OGA: variants seen among roughly 807,000 people sequenced by gnomAD.
The protein encoded by OGA is protein O-GlcNAcase.
A neutral mutation model predicts 102.0 loss-of-function variants in OGA; 21 were observed. The ratio of observed to expected loss-of-function variants is 0.21; its 90% CI spans 0.15 to 0.30. The LOEUF (loss-of-function observed/expected upper bound fraction) is 0.30, where lower values mean the gene tolerates loss of function less well. OGA is among the 10% of genes least tolerant of loss of function. The pLI, the probability that OGA is intolerant of heterozygous loss-of-function variation, is 1.00. For synonymous variants in OGA, 408 were observed against 378.2 expected (o/e 1.08, Z -0.91); for missense variants, 765 against 1,107.8 (o/e 0.69, Z 4.39).
rs949127505 is a variant in OGA, at chr10:101,808,880, G to C, written c.481-979C>G. Among the ~76,000 whole-genome samples the C allele has an allele frequency of 2.0e-5, 3 of 152,106 alleles. No homozygotes were observed. In the South Asian group the frequency reaches 6.2e-4, roughly 32 times the overall value. On this transcript the variant is annotated intron_variant, in intron 4 of 15. Coordinates refer to ENST00000361464, the MANE Select transcript of OGA (RefSeq NM_012215.5). ...CGTTACTCAGGAGGCTGAGGCCAGA[G>C]AATTGCTTGAACCCAGGAGGTAGAG...
intron 3 of OGA, 86 bp downstream of exon 3, chr10:101,812,944 G>A (rs2065578233): frequency 9.4e-7 from 1 of 1,063,350 alleles, no homozygotes. Flanking sequence ...AAAATAAAAT[G>A]TCATAAAATT....
At chr10:101,816,287 C>CA (rs1467477935) in intron 1 of OGA, among the ~76,000 whole-genome samples, 14 of 152,134 alleles carry the variant, frequency 9.2e-5, no homozygotes, top group South Asian at 2.1e-4. Flanking sequence ...ACAAAACACA[C>CA]AAAAAATCAG....
At chr10:101,787,757 G>GCT in intron 14 of OGA, 4 of 460,660 alleles carry the variant, frequency 8.7e-6, no homozygotes, top group Non-Finnish European at 1.6e-5. Flanking sequence ...TCGCGTGCAC[G>GCT]CGCTCTCTCT....
In OGA at chr10:101,818,272, G is replaced by A; in HGVS notation, c.-250C>T. On this transcript the variant is annotated 5_prime_UTR_variant, in exon 1 of 16. Coordinates refer to ENST00000361464, the MANE Select transcript of OGA (RefSeq NM_012215.5). ...TTAAGCTGGGGCGCCAGAAGCCTAA[G>A]CGGAGAGCGAGGCTGTGACCTCTCG... The A allele has an allele frequency of 7.7e-7, 1 of 1,291,826 alleles. No homozygotes were observed. The highest frequency in any genetic ancestry group is 9.8e-7 in the Non-Finnish European group (1 of 1,019,424). The allele number at this position is 1,291,826 out of a possible 1,614,324, so 80.0% of individuals were successfully genotyped here. A position where few individuals can be genotyped will look rare whatever the true frequency, so the allele number is the denominator to read the frequency against.
At chr10:101,812,104 C>T (rs2065565925) in intron 3 of OGA, among the ~76,000 whole-genome samples, 2 of 152,184 alleles carry the variant, frequency 1.3e-5, no homozygotes, top group Admixed American at 6.5e-5. Flanking sequence ...ATCTTGTTAG[C>T]TATATGCGTA....
intron 6 of OGA, among the ~76,000 whole-genome samples, chr10:101,804,735 T>C (rs2065444491): frequency 6.6e-6 from 1 of 152,046 alleles, no homozygotes; most frequent in Admixed American, 6.6e-5. Context: ...GGACTACAGG[T>C]GTGCCCCACC....
intron 5 of OGA, among the ~76,000 whole-genome samples, chr10:101,807,525 T>C (rs909267743): frequency 1.3e-5 from 2 of 152,216 alleles, no homozygotes; most frequent in Non-Finnish European, 2.9e-5. Context: ...TAAAAATACA[T>C]AAAAATCTTT....
intron 5 of OGA, 54 bp downstream of exon 5, chr10:101,807,676 T>C (rs2065493834): frequency 4.0e-6 from 5 of 1,247,098 alleles, no homozygotes; most frequent in Admixed American, 2.8e-5. Context: ...TGGTCCTTTA[T>C]AAGTTATATA....
At chr10:101,793,370 G>A (rs1292749695) in intron 11 of OGA, among the ~76,000 whole-genome samples, 1 of 152,186 alleles carries the variant, frequency 6.6e-6, no homozygotes, top group South Asian at 2.1e-4. Flanking sequence ...AAAGCAATGC[G>A]CTTCAGTTTG....
chr10:101,817,644 C>T (rs1186766303), intron 1 of OGA, among the ~76,000 whole-genome samples, 180 bp downstream of exon 1: 2 of 152,152 alleles, frequency 1.3e-5, no homozygotes, highest in African/African-American at 4.8e-5. Flanking sequence ...AATTCGACGC[C>T]GTCTTAAGAC....
chr10:101,802,396 G>A (rs574516400), intron 7 of OGA, among the ~76,000 whole-genome samples: 7 of 152,316 alleles, frequency 4.6e-5, no homozygotes, highest in Non-Finnish European at 7.3e-5. Flanking sequence ...AGGAATGGCT[G>A]GGCGCGATGG....
At chr10:101,797,943 A>G (rs2065337311) in intron 10 of OGA, 37 bp downstream of exon 10, 7 of 1,584,910 alleles carry the variant, frequency 4.4e-6, no homozygotes, top group African/African-American at 1.3e-5. Context: ...AAGGGACAAT[A>G]TATTTGAGGA....
chr10:101,800,512 A>G, intron 7 of OGA, 112 bp from the exon 8 acceptor site: 1 of 793,110 alleles, frequency 1.3e-6, no homozygotes. Flanking sequence ...AGAAACAAAG[A>G]ACAGAATGAG....
chr10:101,807,906 G>C lies in OGA; in HGVS notation c.481-5C>G. The C allele has an allele frequency of 1.4e-6, 2 of 1,429,970 alleles. No homozygotes were observed. Among genetic ancestry groups the C allele is most frequent in the South Asian group, 1.6e-5 (1 of 63,204 alleles). 88.6% of individuals were successfully genotyped at this position (1,429,970 alleles called of 1,614,324 possible). The stretch of plus-strand genomic sequence containing the variant: ...TCTGCACCCAAACTGAGAAACCTAG[G>C]AGAAAAAAAAAAAAAAGAATCAAGA... On this transcript the variant is annotated splice_region_variant and splice_polypyrimidine_tract_variant and intron_variant, in intron 4 of 15. Coordinates refer to ENST00000361464, the MANE Select transcript of OGA (RefSeq NM_012215.5).
chr10:101,800,167 C>G (rs2065371183), intron 8 of OGA, 75 bp downstream of exon 8: 1 of 1,495,748 alleles, frequency 6.7e-7, no homozygotes, highest in East Asian at 2.3e-5. Context: ...GCCACCACAC[C>G]CGGGAGACAG....
chr10:101,803,280 T>C (rs1467051259), intron 7 of OGA, among the ~76,000 whole-genome samples: 1 of 152,012 alleles, frequency 6.6e-6, no homozygotes, highest in East Asian at 1.9e-4. Context: ...TCCGAATGAT[T>C]CTAGAGATAA....
At chr10:101,789,018 A>G (rs1044084899) in intron 14 of OGA, among the ~76,000 whole-genome samples, 1 of 152,366 alleles carries the variant, frequency 6.6e-6, no homozygotes, top group African/African-American at 2.4e-5. Context: ...TATGTTATTT[A>G]TATTTTACCA....
intron 3 of OGA, among the ~76,000 whole-genome samples, chr10:101,811,882 G>T (rs1031796112): frequency 2.6e-5 from 4 of 152,008 alleles, no homozygotes; most frequent in African/African-American, 9.7e-5. Context: ...ATTTTCAGTA[G>T]TATCTCAAGA....
Position 101,800,328 on chromosome 10 carries a change from G to A in OGA, c.1109C>T (p.Thr370Ile). Reference protein sequence around the residue: ...ENEGSDEDIETDVLYSPQMAL... With the variant: ...ENEGSDEDIEIDVLYSPQMAL... ...CATCTGTGGACTATAGAGTACATCA[G>A]TTTCAATATCTTCATCACTGCCTTC... The change falls in exon 8 of 16, where the codon ACT (threonine) becomes ATT (isoleucine). Residue 370 changes from threonine (T) to isoleucine (I), a missense_variant. Thr to Ile is a moderately conservative substitution (Grantham distance 89). This residue lies in a region of OGA where 281 missense variants were observed against 345.8 expected (regional missense o/e 0.81). Coordinates refer to ENST00000361464, the MANE Select transcript of OGA (RefSeq NM_012215.5). 2.5e-6 allele frequency: 4 copies of A among 1,613,078 alleles called. No homozygotes were observed. The highest frequency in any genetic ancestry group is 1.1e-5 in the South Asian group (1 of 91,066).
Sources: allele counts gnomAD v4.1 joint callset (sites outside exome capture counted in the v4.1 genomes callset), GRCh38; gene constraint gnomAD v4.1.1; regional missense constraint gnomAD v4.1.1; transcripts MANE v1.5; gene names NCBI Gene and HGNC (gene_info 2026-07-23, HGNC 2026-07-21).